The following TCP11L1 variants were observed in gnomAD, a reference collection of about 807,000 sequenced individuals.
TCP11L1 encodes T-complex protein 11-like protein 1.
TCP11L1 carries 28 observed loss-of-function variants against 48.9 expected under a neutral mutation model. The observed-to-expected ratio is 0.57, with a 90% CI of 0.42 to 0.78. TCP11L1 has a LOEUF of 0.78. Among genes scored for constraint, TCP11L1 ranks in the 30% least tolerant of loss-of-function variants. TCP11L1 has a pLI of 0.00. For synonymous variants in TCP11L1, 204 were observed against 231.9 expected, an observed-to-expected ratio of 0.88 and a Z score of 1.09; for missense variants, 505 against 613.4, an observed-to-expected ratio of 0.82 and a Z score of 1.87.
intron 1 of TCP11L1, among the ~76,000 whole-genome samples, chr11:33,042,494 A>G (rs568286100): frequency 1.1e-4 from 16 of 151,938 alleles, no homozygotes; most frequent in South Asian, 2.1e-4. Flanking sequence ...TGTTATTGCT[A>G]TTCTGATCAG....
intron 8 of TCP11L1, among the ~76,000 whole-genome samples, chr11:33,067,897 T>A (rs1389936457): frequency 6.6e-6 from 1 of 151,892 alleles, no homozygotes; most frequent in East Asian, 1.9e-4. Context: ...CGTTATTCTT[T>A]TATTTTTTAA....
intron 7 of TCP11L1, among the ~76,000 whole-genome samples, chr11:33,064,616 T>G (rs1433844874): frequency 6.6e-6 from 1 of 152,196 alleles, no homozygotes; most frequent in Non-Finnish European, 1.5e-5. Flanking sequence ...GGCTTTAGAT[T>G]GTTCTCTGTC....
chr11:33,054,017 A>C (rs190894841), intron 2 of TCP11L1, among the ~76,000 whole-genome samples: 1 of 151,912 alleles, frequency 6.6e-6, no homozygotes, highest in Non-Finnish European at 1.5e-5. Flanking sequence ...AGATCTCACT[A>C]TGGTGCCCAG....
chr11:33,054,767 C>T, intron 3 of TCP11L1, 42 bp downstream of exon 3: 1 of 1,564,186 alleles, frequency 6.4e-7, no homozygotes, highest in Non-Finnish European at 8.7e-7. Flanking sequence ...AGAACACTGT[C>T]ATTTCCCAGT....
intron 6 of TCP11L1, among the ~76,000 whole-genome samples, chr11:33,060,605 GTA>G (rs1854440563): frequency 6.6e-6 from 1 of 152,164 alleles, no homozygotes; most frequent in South Asian, 2.1e-4. Flanking sequence ...CTCTCTCTCT[GTA>G]TCCCTCAGAG....
At chr11:33,065,350 G>A (rs1418411812) in intron 7 of TCP11L1, among the ~76,000 whole-genome samples, 1 of 152,070 alleles carries the variant, frequency 6.6e-6, no homozygotes, top group African/African-American at 2.4e-5. Context: ...TGCAACCTCT[G>A]CTTCCTGGGT....
intron 2 of TCP11L1, among the ~76,000 whole-genome samples, chr11:33,048,597 A>G (rs188544276): frequency 3.3e-5 from 5 of 152,316 alleles, no homozygotes; most frequent in Admixed American, 3.3e-4. Flanking sequence ...CCTGTCATTG[A>G]TAAGTTTGAT....
intron 5 of TCP11L1, among the ~76,000 whole-genome samples, 164 bp from the exon 6 acceptor site, chr11:33,058,795 T>A (rs1854389658): frequency 1.3e-5 from 2 of 152,160 alleles, no homozygotes; most frequent in Non-Finnish European, 1.5e-5. Context: ...TCACATTTGC[T>A]ATGCTGCCCA....
chr11:33,050,795 A>T (rs1854136949), intron 2 of TCP11L1, among the ~76,000 whole-genome samples: 1 of 150,810 alleles, frequency 6.6e-6, no homozygotes, highest in Non-Finnish European at 1.5e-5. Context: ...CTAATCCAAG[A>T]TCGCAAAGAT....
intron 9 of TCP11L1, among the ~76,000 whole-genome samples, chr11:33,070,814 C>T (rs1854765802): frequency 6.6e-6 from 1 of 151,744 alleles, no homozygotes; most frequent in South Asian, 2.1e-4. Flanking sequence ...CCAGCCTGGC[C>T]AACATGGTGA....
intron 6 of TCP11L1, among the ~76,000 whole-genome samples, chr11:33,060,594 G>A (rs1253980201): frequency 6.6e-6 from 1 of 152,120 alleles, no homozygotes; most frequent in African/African-American, 2.4e-5. Flanking sequence ...AGATCCTCCA[G>A]CTCTCTCTCT....
intron 2 of TCP11L1, among the ~76,000 whole-genome samples, chr11:33,050,784 C>T (rs1288887480): frequency 6.6e-6 from 1 of 151,660 alleles, no homozygotes; most frequent in Non-Finnish European, 1.5e-5. Flanking sequence ...GAAATCTTTG[C>T]CTAATCCAAG....
In TCP11L1 at chr11:33,072,064, G is replaced by A. The variant is rs1246115678; in HGVS notation, c.1328-410G>A. ...CTTCACCACAATGGCCAGGCTGGTC[G>A]AACTCTTGACCTCAGGTGACCCGCC... On this transcript the variant is annotated intron_variant, in intron 9 of 9. Transcript: ENST00000334274. 6.6e-5 allele frequency among the ~76,000 whole-genome samples: 10 copies of A among 152,144 alleles called. No individual in the cohort carries two copies. In the East Asian group the frequency reaches 1.4e-3, roughly 21 times the overall value.
At chr11:33,040,945 AT>A (rs1161060678) in intron 1 of TCP11L1, 2 of 152,210 alleles carry the variant, frequency 1.3e-5, no homozygotes, top group African/African-American at 2.4e-5. Context: ...CTTAAGTTTC[AT>A]TATGGCTCCT....
At chr11:33,042,764 CT>C (rs1590217217) in intron 1 of TCP11L1, among the ~76,000 whole-genome samples, 1 of 152,124 alleles carries the variant, frequency 6.6e-6, no homozygotes, top group East Asian at 1.9e-4. Flanking sequence ...GAAACCCCGT[CT>C]CTACTAAAAA....
At chr11:33,069,268 C>A (rs1564989157) in intron 9 of TCP11L1, among the ~76,000 whole-genome samples, 1 of 151,660 alleles carries the variant, frequency 6.6e-6, no homozygotes, top group African/African-American at 2.4e-5. Flanking sequence ...GGAGCTGTTA[C>A]GAAAAGAGCT....
chr11:33,071,537 A>G (rs1854790174), intron 9 of TCP11L1, among the ~76,000 whole-genome samples: 1 of 152,218 alleles, frequency 6.6e-6, no homozygotes, highest in South Asian at 2.1e-4. Context: ...ATGAGGATAC[A>G]CAAGAGTACA....
At chr11:33,068,015 C>T (rs1425718395) in intron 8 of TCP11L1, among the ~76,000 whole-genome samples, 2 of 152,064 alleles carry the variant, frequency 1.3e-5, no homozygotes, top group Non-Finnish European at 2.9e-5. Context: ...TTCCTGGATT[C>T]AAGTGATTCT....
intron 7 of TCP11L1, among the ~76,000 whole-genome samples, chr11:33,063,702 T>C (rs1200961671): frequency 1.3e-5 from 2 of 152,208 alleles, no homozygotes; most frequent in Non-Finnish European, 2.9e-5. Flanking sequence ...TCCCCCTCTC[T>C]TTTTGGGGGG....
Sources: allele counts gnomAD v4.1 joint callset (sites outside exome capture counted in the v4.1 genomes callset), GRCh38; gene constraint gnomAD v4.1.1; transcripts MANE v1.5; gene names NCBI Gene and HGNC (gene_info 2026-07-23, HGNC 2026-07-21).